MYO16: variants seen among roughly 807,000 people sequenced by gnomAD.
MYO16 encodes myosin XVI.
In MYO16, 94 loss-of-function variants were observed where a neutral mutation model predicts 205.3. The ratio of observed to expected loss-of-function variants is 0.46; its 90% confidence interval spans 0.39 to 0.54. MYO16 has a LOEUF of 0.54. MYO16 is among the 20% of genes least tolerant of loss of function. The pLI, the probability that MYO16 is intolerant of heterozygous loss-of-function variation, is 0.00. For missense variants in MYO16, 2,315 were observed against 2,387.5 expected (o/e 0.97, Z 0.63); for synonymous variants, 988 against 954.0 (o/e 1.04, Z -0.66).
At chr13:108,858,268 T>C (rs952911412) in intron 11 of MYO16, among the ~76,000 whole-genome samples, 3 of 152,246 alleles carry the variant, frequency 2.0e-5, no homozygotes, top group Admixed American at 1.3e-4. Flanking sequence ...CATTTTTTAG[T>C]AATTCTTTTT....
At chr13:108,545,759 G>A in the MYO16 span, among the ~76,000 whole-genome samples, 1 of 152,286 alleles carries the variant, frequency 6.6e-6, no homozygotes, top group Non-Finnish European at 1.5e-5. Context: ...AGGGAAGAGG[G>A]ATGGAGTTTG....
intron 5 of MYO16, among the ~76,000 whole-genome samples, chr13:108,787,065 A>G (rs1379384525): frequency 3.9e-5 from 6 of 152,240 alleles, no homozygotes; most frequent in Non-Finnish European, 8.8e-5. Flanking sequence ...ACTTGGCGCA[A>G]TGGTGCCTAT....
At chr13:108,746,196 GAAATA>G (rs1224332835) in intron 4 of MYO16, among the ~76,000 whole-genome samples, 2 of 151,620 alleles carry the variant, frequency 1.3e-5, no homozygotes, top group Admixed American at 6.6e-5. Flanking sequence ...CCATCTCAAA[GAAATA>G]AAATAAAAGA....
At chr13:108,984,721 T>C (rs141292085) in intron 20 of MYO16, among the ~76,000 whole-genome samples, 369 of 152,302 alleles carry the variant, frequency 2.4e-3, no homozygotes, top group African/African-American at 8.6e-3. Flanking sequence ...GGTCATATCC[T>C]CTGACTCACC....
intron 1 of MYO16, among the ~76,000 whole-genome samples, chr13:108,609,931 A>C (rs1029445348): frequency 2.0e-4 from 31 of 152,262 alleles, no homozygotes; most frequent in Admixed American, 1.7e-3. Context: ...GGACACTTGA[A>C]AGAGTGCTGG....
chr13:109,137,369 G>A lies in MYO16; in HGVS notation c.4052-2895G>A, dbSNP rs148525232. ...TCCAGATTCTGGAAGAGCATGTGGC[G>A]CTGAAAATATTATTGAAGCCAGCTT... On this transcript the variant is annotated intron_variant, in intron 31 of 34. Coordinates refer to ENST00000457511, the MANE Select transcript of MYO16 (RefSeq NM_001198950.3). Among the ~76,000 whole-genome samples, 9 of 152,308 alleles carry A rather than the reference G, an allele frequency of 5.9e-5. No individual in the cohort carries two copies. In the South Asian group the frequency reaches 6.2e-4, roughly 11 times the overall value.
At chr13:108,650,672 G>A (rs551030141) in intron 1 of MYO16, among the ~76,000 whole-genome samples, 2 of 152,302 alleles carry the variant, frequency 1.3e-5, no homozygotes, top group East Asian at 1.9e-4. Flanking sequence ...TTTGGGCCAG[G>A]AATCCAAGCT....
At chr13:108,676,996 C>T (rs1017813198) in intron 2 of MYO16, among the ~76,000 whole-genome samples, 6 of 152,166 alleles carry the variant, frequency 3.9e-5, no homozygotes, top group African/African-American at 1.2e-4. Flanking sequence ...TCTCTGTTTG[C>T]GAGCCCATAT....
At chr13:108,770,800 A>G (rs1885936189) in intron 4 of MYO16, among the ~76,000 whole-genome samples, 1 of 152,230 alleles carries the variant, frequency 6.6e-6, no homozygotes. Flanking sequence ...TTCTCACATA[A>G]TGACAACGAC....
intron 3 of MYO16, among the ~76,000 whole-genome samples, chr13:108,724,048 TTG>T (rs1884254298): frequency 1.3e-5 from 2 of 152,192 alleles, no homozygotes; most frequent in Non-Finnish European, 2.9e-5. Context: ...TTTGTCAGAT[TTG>T]TCCCTAAGTA....
At chr13:108,666,476 A>G (rs901004204) in intron 2 of MYO16, among the ~76,000 whole-genome samples, 1 of 151,936 alleles carries the variant, frequency 6.6e-6, no homozygotes, top group African/African-American at 2.4e-5. Context: ...TTTATCAATG[A>G]ATTTTTTTTT....
rs530729133 is a variant in MYO16, at chr13:108,914,934, C to G, written c.1925+4784C>G. ...CTGGGATCACAAGCATGAACCACTG[C>G]GCCCGACCTGTAATTTGGTTTTATC... On this transcript the variant is annotated intron_variant, in intron 16 of 34. Transcript: ENST00000457511. Among the ~76,000 whole-genome samples the G allele has an allele frequency of 1.4e-3, 213 of 152,280 alleles. 1 individual carries two copies. The South Asian group carries it at 0.015, about 11-fold the overall frequency.
intron 2 of MYO16, among the ~76,000 whole-genome samples, chr13:108,704,908 C>T (rs1326691413): frequency 4.0e-5 from 6 of 148,810 alleles, no homozygotes; most frequent in Non-Finnish European, 7.4e-5. Flanking sequence ...TTGAAAATAT[C>T]AACACAATGA....
chr13:108,590,024 A>G, the MYO16 span, among the ~76,000 whole-genome samples: 1 of 152,218 alleles, frequency 6.6e-6, no homozygotes, highest in African/African-American at 2.4e-5. Context: ...TGATATATAT[A>G]GGAATAAATA....
rs373938040 is a variant in MYO16 at position 108,753,909 on chromosome 13, A to G, written c.507+26326A>G. Among the ~76,000 whole-genome samples, 69 of 152,370 alleles carry G rather than the reference A, an allele frequency of 4.5e-4. No individual in the cohort carries two copies. The East Asian group carries it at 0.01, about 23-fold the overall frequency. On this transcript the variant is annotated intron_variant, in intron 4 of 34. Transcript: ENST00000457511. ...ACTTTGAGGATTTGGCTGATCTCAG[A>G]CAGTTGACAATGTGTGTGTGTTGAT...
chr13:108,645,071 G>A (rs1222527743), intron 1 of MYO16, among the ~76,000 whole-genome samples: 1 of 152,202 alleles, frequency 6.6e-6, no homozygotes, highest in Admixed American at 6.5e-5. Context: ...GTGGGGACAA[G>A]ACAAGAGGCA....
rs772784357 is a variant in MYO16, at chr13:109,127,403, G to A, written c.3904G>A (p.Val1302Met). Residue 1302 changes from valine (V) to methionine (M), a missense_variant, in exon 31 of 35, where the codon GTG becomes ATG. Val to Met is a conservative substitution (Grantham distance 21). This residue lies in a region of MYO16 where 1,097 missense variants were observed against 1,092.0 expected (regional missense o/e 1.00). Transcript: ENST00000457511. The surrounding 1 kb of genome is among the most constrained non-coding windows in gnomAD (Gnocchi z 4.2). ...CATCTGGTCTCCTTCGCTGCACTCG[G>A]TGTTCAGCATGGATGACAGCAGCAG... is the stretch of plus-strand genomic sequence containing the variant. ...PSIWSPSLHS[V>M]FSMDDSSSLP... 1 of 1,614,028 alleles carries A rather than the reference G, an allele frequency of 6.2e-7. No homozygotes were observed. Among genetic ancestry groups the A allele is most frequent in the Admixed American group, 1.7e-5 (1 of 60,022 alleles).
chr13:109,154,400 C>T (rs987915817), intron 32 of MYO16, among the ~76,000 whole-genome samples: 2 of 152,172 alleles, frequency 1.3e-5, no homozygotes, highest in Admixed American at 6.5e-5. Flanking sequence ...GACTCATGCT[C>T]GTTCCGATGG....
chr13:109,089,991 C>T (rs1888566447), intron 27 of MYO16, among the ~76,000 whole-genome samples: 1 of 152,220 alleles, frequency 6.6e-6, no homozygotes, highest in African/African-American at 2.4e-5. Context: ...TCCAAGGAGG[C>T]TCTTGAGCCA....
Sources: allele counts gnomAD v4.1 joint callset (sites outside exome capture counted in the v4.1 genomes callset), GRCh38; gene constraint gnomAD v4.1.1; regional missense constraint gnomAD v4.1.1; non-coding constraint Gnocchi (gnomAD v3.1); transcripts MANE v1.5; gene names NCBI Gene and HGNC (gene_info 2026-07-23, HGNC 2026-07-21).